The following GPC5 variants were observed in gnomAD, a reference collection of about 807,000 sequenced individuals.
The protein encoded by GPC5 is glypican-5.
GPC5 carries 47 observed loss-of-function variants against 53.9 expected under a neutral mutation model. The observed-to-expected ratio is 0.87, with a 90% confidence interval of 0.69 to 1.11. The LOEUF (loss-of-function observed/expected upper bound fraction) is 1.11. GPC5 is among the 50% of genes most tolerant of loss of function. The pLI is 0.00. For missense variants in GPC5, 748 were observed against 713.1 expected (o/e 1.05, Z -0.56); for synonymous variants, 286 against 263.3 (o/e 1.09, Z -0.84).
chr13:92,821,291 AT>A (rs1389811922), intron 7 of GPC5, among the ~76,000 whole-genome samples: 4 of 152,166 alleles, frequency 2.6e-5, no homozygotes, highest in African/African-American at 9.6e-5. Context: ...TCAGGCAAAT[AT>A]TTTATCTGTA....
intron 7 of GPC5, among the ~76,000 whole-genome samples, chr13:92,384,025 T>C (rs537517000): frequency 3.9e-5 from 6 of 152,172 alleles, no homozygotes; most frequent in Non-Finnish European, 7.4e-5. Flanking sequence ...AGTTTGAAAG[T>C]TAAAAAATAC....
At chr13:91,454,569 A>G (rs549075170) in intron 2 of GPC5, among the ~76,000 whole-genome samples, 2 of 152,122 alleles carry the variant, frequency 1.3e-5, no homozygotes, top group Non-Finnish European at 2.9e-5. Context: ...TCAGATATTT[A>G]TCATTTTGCT....
intron 7 of GPC5, among the ~76,000 whole-genome samples, chr13:92,254,215 AG>A (rs1718956469): frequency 1.3e-5 from 2 of 152,154 alleles, no homozygotes; most frequent in South Asian, 4.1e-4. Flanking sequence ...TGGAAGCCAA[AG>A]AGCATGGGAA....
chr13:91,687,491 G>A (rs2139774453), intron 2 of GPC5, among the ~76,000 whole-genome samples: 1 of 152,030 alleles, frequency 6.6e-6, no homozygotes. Flanking sequence ...TAAACTTCAT[G>A]CATTCCAAAT....
chr13:92,243,201 A>G (rs1349204780), intron 7 of GPC5, among the ~76,000 whole-genome samples: 1 of 152,174 alleles, frequency 6.6e-6, no homozygotes, highest in Non-Finnish European at 1.5e-5. Flanking sequence ...CATTTCTCAC[A>G]GACTTTTCAC....
At chr13:91,833,037 T>A (rs1212193072) in intron 5 of GPC5, among the ~76,000 whole-genome samples, 1 of 151,548 alleles carries the variant, frequency 6.6e-6, no homozygotes, top group East Asian at 1.9e-4. Context: ...ATCAAATAGA[T>A]GCAATAAAAA....
chr13:91,456,154 G>T (rs184903161), intron 2 of GPC5, among the ~76,000 whole-genome samples: 2 of 152,016 alleles, frequency 1.3e-5, no homozygotes, highest in East Asian at 1.9e-4. Context: ...AATACCCACC[G>T]CAGGGCTCTG....
chr13:92,165,034 T>C (rs1247439291), intron 7 of GPC5, among the ~76,000 whole-genome samples: 1 of 152,164 alleles, frequency 6.6e-6, no homozygotes. Flanking sequence ...CCCTTGGGCC[T>C]GGCCCACAAA....
chr13:92,373,199 G>A lies in GPC5; in HGVS notation c.1561+228210G>A, dbSNP rs151157822. Reference sequence around the variant, plus strand: ...AACACAATTGGCTAGGTCAACACATGAATACCTAGAACACATTCTAGTTTT... The same window carrying A: ...AACACAATTGGCTAGGTCAACACATAAATACCTAGAACACATTCTAGTTTT... On this transcript the variant is annotated intron_variant, in intron 7 of 7. Coordinates refer to ENST00000377067, the MANE Select transcript of GPC5 (RefSeq NM_004466.6). Among the ~76,000 whole-genome samples, 221 of 152,174 alleles carry A rather than the reference G, an allele frequency of 1.5e-3. 1 individual carries two copies. The highest frequency in any genetic ancestry group is 5.0e-3 in the African/African-American group (208 of 41,520).
At chr13:92,004,322 G>C (rs2040583746) in intron 6 of GPC5, among the ~76,000 whole-genome samples, 1 of 150,616 alleles carries the variant, frequency 6.6e-6, no homozygotes, top group Admixed American at 6.6e-5. Context: ...ACGTGCGCCT[G>C]TAGTCCCAGC....
At chr13:91,546,761 A>G (rs1204079780) in intron 2 of GPC5, among the ~76,000 whole-genome samples, 1 of 152,096 alleles carries the variant, frequency 6.6e-6, no homozygotes, top group Admixed American at 6.5e-5. Flanking sequence ...AGGATTTTAA[A>G]CTTTGACATA....
chr13:92,303,744 G>A (rs1441209170), intron 7 of GPC5, among the ~76,000 whole-genome samples: 2 of 152,134 alleles, frequency 1.3e-5, no homozygotes, highest in Non-Finnish European at 2.9e-5. Flanking sequence ...GAAAGCAAAT[G>A]ATGAAGAAAT....
chr13:91,867,954 G>T (rs988883869), intron 5 of GPC5, among the ~76,000 whole-genome samples: 3 of 151,988 alleles, frequency 2.0e-5, no homozygotes, highest in African/African-American at 7.2e-5. Context: ...AAATTTCTGA[G>T]TGTGATTATC....
At chr13:92,580,196 A>G (rs1361824389) in intron 7 of GPC5, among the ~76,000 whole-genome samples, 1 of 152,362 alleles carries the variant, frequency 6.6e-6, no homozygotes, top group Non-Finnish European at 1.5e-5. Flanking sequence ...ACATTAAAGC[A>G]TAAAGATATC....
intron 6 of GPC5, among the ~76,000 whole-genome samples, chr13:92,130,766 C>T (rs1022221178): frequency 6.6e-6 from 1 of 151,788 alleles, no homozygotes; most frequent in Non-Finnish European, 1.5e-5. Context: ...GTTTAACTGT[C>T]CTAAGGTCCT....
intron 7 of GPC5, among the ~76,000 whole-genome samples, chr13:92,646,379 G>A (rs999974949): frequency 5.9e-5 from 9 of 152,182 alleles, no homozygotes; most frequent in Admixed American, 5.9e-4. Context: ...ATTGATCTAA[G>A]TCTTACTTTA....
intron 5 of GPC5, among the ~76,000 whole-genome samples, chr13:91,849,196 G>C (rs1278722453): frequency 6.6e-6 from 1 of 152,072 alleles, no homozygotes; most frequent in Non-Finnish European, 1.5e-5. Flanking sequence ...ATACATGCCT[G>C]TTTCAAAACC....
At chr13:91,945,666 A>T (rs2039967768) in intron 6 of GPC5, among the ~76,000 whole-genome samples, 1 of 152,146 alleles carries the variant, frequency 6.6e-6, no homozygotes, top group South Asian at 2.1e-4. Flanking sequence ...CTAGCCTGGT[A>T]GCTCAAGGGC....
At chr13:91,892,662 T>C (rs2039399722) in intron 5 of GPC5, among the ~76,000 whole-genome samples, 2 of 151,754 alleles carry the variant, frequency 1.3e-5, no homozygotes. Context: ...TTCCAAAGAA[T>C]GTAACTTGTT....
Sources: gnomAD v4.1 joint callset for allele counts (sites outside exome capture counted in the v4.1 genomes callset) on GRCh38, gnomAD v4.1.1 for gene constraint, MANE v1.5 for transcripts, NCBI Gene and HGNC (gene_info 2026-07-23, HGNC 2026-07-21) for gene names.